TMIGD3: variants seen among roughly 807,000 people sequenced by gnomAD.
The protein encoded by TMIGD3 is transmembrane and immunoglobulin domain containing 3, also known as AD026 protein (AD026).
TMIGD3 carries 21 observed loss-of-function variants against 28.1 expected under a neutral mutation model. That is an observed-to-expected ratio of 0.75 (90% CI 0.53 to 1.08). The LOEUF (loss-of-function observed/expected upper bound fraction) is 1.08. Among genes scored for constraint, TMIGD3 ranks in the 50% least tolerant of loss-of-function variants. The probability of loss-of-function intolerance (pLI) is 0.00; values close to 1 mark genes in which losing one functional copy is unlikely to be tolerated. For missense variants in TMIGD3, 416 were observed against 435.6 expected (o/e 0.96, Z 0.40); for synonymous variants, 151 against 162.1 (o/e 0.93, Z 0.52).
At chr1:111,512,972 C>A (rs573183311) in intron 1 of TMIGD3, among the ~76,000 whole-genome samples, 1 of 152,320 alleles carries the variant, frequency 6.6e-6, no homozygotes, top group Admixed American at 6.5e-5. Flanking sequence ...CTTTTCTCCA[C>A]CCTTGCCAAG....
chr1:111,550,913 T>C (rs2101035362), intron 1 of TMIGD3, among the ~76,000 whole-genome samples: 1 of 152,382 alleles, frequency 6.6e-6, no homozygotes, highest in South Asian at 2.1e-4. Flanking sequence ...CCCATATTGT[T>C]AGATGTGTAC....
intron 1 of TMIGD3, among the ~76,000 whole-genome samples, chr1:111,547,792 A>C (rs866803248): frequency 1.7e-4 from 26 of 152,294 alleles, no homozygotes; most frequent in Non-Finnish European, 2.5e-4. Flanking sequence ...AAGCAGGAGC[A>C]TTGTCATGGT....
chr1:111,562,071 G>A (rs1657763455), intron 1 of TMIGD3, among the ~76,000 whole-genome samples: 1 of 152,124 alleles, frequency 6.6e-6, no homozygotes, highest in Non-Finnish European at 1.5e-5. Context: ...ACCCCACCCT[G>A]TGATTCAATA....
At position 111,487,175 on chromosome 1, in the gene TMIGD3, T is replaced by G. The variant is rs567308703; in HGVS notation, c.806-523A>C. 4.6e-5 allele frequency among the ~76,000 whole-genome samples: 7 copies of G among 152,340 alleles called. No individual in the cohort carries two copies. The East Asian group carries it at 7.7e-4, about 17-fold the overall frequency. ...TCTGATAAGACGTGGGAGAGGTCTG[T>G]GTTTCATTTAAACTAAGGAGTACGT... On this transcript the variant is annotated intron_variant, in intron 3 of 5. Coordinates refer to ENST00000369716, the MANE Select transcript of TMIGD3 (RefSeq NM_020683.7).
intron 1 of TMIGD3, among the ~76,000 whole-genome samples, chr1:111,517,182 A>G (rs1232349051): frequency 6.6e-6 from 1 of 152,122 alleles, no homozygotes; most frequent in Non-Finnish European, 1.5e-5. Flanking sequence ...TGTCTGAGGA[A>G]CCCTCGATAA....
Position 111,490,725 on chromosome 1 carries a change from A to G in TMIGD3, c.388T>C (p.Phe130Leu). The change falls in exon 2 of 6, where the codon TTC (phenylalanine) becomes CTC (leucine). Residue 130 changes from phenylalanine to leucine, a missense_variant. Phe to Leu is a conservative substitution (Grantham distance 22, BLOSUM62 0). Transcript: ENST00000369716. Reference sequence around the variant, plus strand: ...GGAAGGAAGCAAACTTTCAACTGGAATGATAGAATGCACCCAGGGAGCCCA... The same window carrying G: ...GGAAGGAAGCAAACTTTCAACTGGAGTGATAGAATGCACCCAGGGAGCCCA... ...IPGLPGCILS[F>L]QLKVCFLPVM... 6.2e-7 allele frequency: 1 copy of G among 1,614,098 alleles called. No homozygotes were observed. Among genetic ancestry groups the G allele is most frequent in the Non-Finnish European group, 8.5e-7 (1 of 1,180,012 alleles).
chr1:111,486,704 C>T (rs769670485), intron 3 of TMIGD3, 52 bp from the exon 4 acceptor site: 5 of 1,405,292 alleles, frequency 3.6e-6, no homozygotes, highest in Non-Finnish European at 3.0e-6. Flanking sequence ...CCAGGTCCTA[C>T]CTCTGCCTCC....
intron 1 of TMIGD3, among the ~76,000 whole-genome samples, chr1:111,524,731 T>C (rs1179580378): frequency 6.6e-6 from 1 of 152,208 alleles, no homozygotes; most frequent in Non-Finnish European, 1.5e-5. Flanking sequence ...GTGATTCTCC[T>C]GCCTCAGCCT....
At chr1:111,533,279 C>G (rs1051800584) in intron 1 of TMIGD3, among the ~76,000 whole-genome samples, 4 of 152,174 alleles carry the variant, frequency 2.6e-5, no homozygotes, top group African/African-American at 9.7e-5. Flanking sequence ...CCTCACCATA[C>G]CTTGATTCCT....
chr1:111,560,625 A>C (rs1317295370), intron 1 of TMIGD3, among the ~76,000 whole-genome samples: 1 of 151,878 alleles, frequency 6.6e-6, no homozygotes, highest in Non-Finnish European at 1.5e-5. Context: ...TGTAGCTGGG[A>C]CTACAAGCAT....
intron 1 of TMIGD3, among the ~76,000 whole-genome samples, chr1:111,523,024 A>C (rs1450369792): frequency 6.6e-6 from 1 of 152,178 alleles, no homozygotes; most frequent in Non-Finnish European, 1.5e-5. Context: ...CACAATGTTA[A>C]ATAGAAATGG....
intron 1 of TMIGD3, chr1:111,500,446 G>A (rs773744892): frequency 6.2e-7 from 1 of 1,614,198 alleles, no homozygotes; most frequent in Non-Finnish European, 8.5e-7. Context: ...GTACTCTGAG[G>A]TCAGTTTCAT....
At chr1:111,520,378 T>C (rs1030621057) in intron 1 of TMIGD3, among the ~76,000 whole-genome samples, 5 of 152,286 alleles carry the variant, frequency 3.3e-5, no homozygotes, top group Admixed American at 3.3e-4. Context: ...TATTACAAGA[T>C]CATAAAATCA....
chr1:111,558,540 T>C (rs1017998285), intron 1 of TMIGD3, among the ~76,000 whole-genome samples: 1 of 152,088 alleles, frequency 6.6e-6, no homozygotes, highest in South Asian at 2.1e-4. Flanking sequence ...ATTTATAAGG[T>C]GAACACTCAG....
intron 1 of TMIGD3, among the ~76,000 whole-genome samples, chr1:111,497,252 A>G (rs1386494689): frequency 2.6e-5 from 4 of 152,156 alleles, no homozygotes; most frequent in Non-Finnish European, 5.9e-5. Flanking sequence ...CTGGGACTAC[A>G]GCTGCCCGCC....
At chr1:111,520,122 A>G (rs923180744) in intron 1 of TMIGD3, among the ~76,000 whole-genome samples, 1 of 152,230 alleles carries the variant, frequency 6.6e-6, no homozygotes, top group Non-Finnish European at 1.5e-5. Flanking sequence ...AGTCAAAAAC[A>G]ACAACAACTA....
At chr1:111,559,927 AATTTTC>A (rs1469303235) in intron 1 of TMIGD3, among the ~76,000 whole-genome samples, 2 of 152,196 alleles carry the variant, frequency 1.3e-5, no homozygotes, top group African/African-American at 2.4e-5. Flanking sequence ...TGAACAGTGG[AATTTTC>A]ACAGTAGGAT....
chr1:111,500,162 T>C (rs769834787), intron 1 of TMIGD3: 2 of 1,614,124 alleles, frequency 1.2e-6, no homozygotes, highest in South Asian at 2.2e-5. Flanking sequence ...ATGCAGTTGA[T>C]GATAGATAAA....
chr1:111,500,395 A>T, intron 1 of TMIGD3: 1 of 1,614,204 alleles, frequency 6.2e-7, no homozygotes, highest in Non-Finnish European at 8.5e-7. Flanking sequence ...CATTCTCATG[A>T]CGGAAACAAA....
Sources: allele counts gnomAD v4.1 joint callset (sites outside exome capture counted in the v4.1 genomes callset), GRCh38; gene constraint gnomAD v4.1.1; transcripts MANE v1.5; gene names NCBI Gene and HGNC (gene_info 2026-07-23, HGNC 2026-07-21).